Variants in TDP1 observed in about 807,000 individuals in gnomAD.
The protein encoded by TDP1 is tyrosyl-DNA phosphodiesterase 1, also known as tyr-DNA phosphodiesterase 1.
Under a neutral mutation model 81.5 loss-of-function variants are expected in TDP1, and 64 were observed. That is an observed-to-expected ratio of 0.79 (90% confidence interval 0.64 to 0.97). The LOEUF (loss-of-function observed/expected upper bound fraction) is 0.97. Ranked by LOEUF, TDP1 falls within the 50% of genes least tolerant of loss-of-function variation. The pLI is 0.00. For synonymous variants in TDP1, 256 were observed against 264.3 expected (o/e 0.97, Z 0.30); for missense variants, 723 against 743.8 (o/e 0.97, Z 0.33).
chr14:89,987,362 T>C (rs898361040), intron 10 of TDP1, among the ~76,000 whole-genome samples: 1 of 152,096 alleles, frequency 6.6e-6, no homozygotes, highest in African/African-American at 2.4e-5. Context: ...AAAGTGACTT[T>C]AAAGAAAGTG....
intron 16 of TDP1, among the ~76,000 whole-genome samples, chr14:90,036,615 G>A (rs1254340205): frequency 1.3e-5 from 2 of 152,134 alleles, no homozygotes; most frequent in Admixed American, 1.3e-4. Context: ...AGTAGTTACT[G>A]TTTATTCATT....
At position 89,967,384 on chromosome 14, in the gene TDP1, C is replaced by T. The variant is rs746662161; in HGVS notation, c.621C>T (p.Asp207=). The change falls in exon 5 of 17, where the codon GAC becomes GAT. Residue 207 remains aspartate (D), a synonymous_variant. Coordinates refer to ENST00000335725, the MANE Select transcript of TDP1 (RefSeq NM_018319.4). ...VSSAQFNYCF[D]VDWLVKQYPP... is the part of the protein sequence containing the mutation. ...CCATCTAGTTTAACTACTGCTTTGA[C>T]GTGGACTGGCTCGTAAAACAGTATC... 2.5e-5 allele frequency: 40 copies of T among 1,613,922 alleles called. No homozygotes were observed. The highest frequency in any genetic ancestry group is 3.3e-4 in the Middle Eastern group (2 of 6,084).
intron 2 of TDP1, among the ~76,000 whole-genome samples, chr14:89,957,819 T>C (rs563468840): frequency 2.6e-5 from 4 of 152,340 alleles, no homozygotes; most frequent in African/African-American, 9.6e-5. Context: ...GTTTGCTTTA[T>C]TCTCTTAACA....
At chr14:89,966,408 G>C (rs543208245) in intron 4 of TDP1, among the ~76,000 whole-genome samples, 1 of 152,294 alleles carries the variant, frequency 6.6e-6, no homozygotes, top group East Asian at 1.9e-4. Context: ...TTTGACTCAA[G>C]TCAGCCTCCG....
intron 3 of TDP1, chr14:89,964,830 A>G (rs138840386): frequency 3.9e-4 from 171 of 433,862 alleles, no homozygotes; most frequent in Non-Finnish European, 6.5e-4. Context: ...TCTTACATAT[A>G]TTTTCTCCTT....
At position 89,963,243 on chromosome 14, in the gene TDP1, G is replaced by C; in HGVS notation, c.129G>C (p.Glu43Asp). 6.2e-7 allele frequency: 1 copy of C among 1,614,132 alleles called. No homozygotes were observed. The highest frequency in any genetic ancestry group is 8.5e-7 in the Non-Finnish European group (1 of 1,180,030). The change falls in exon 3 of 17, where the codon GAG becomes GAC. Residue 43 changes from glutamate (E) to aspartate (D), a missense_variant. Physicochemically the swap from Glu to Asp is conservative, Grantham distance 45 (BLOSUM62 2). Coordinates refer to ENST00000335725, the MANE Select transcript of TDP1 (RefSeq NM_018319.4). ...GTGCCAGGCAAGGAGCAGCAAATGA[G>C]CCCAGGTACACCTGTTCCGAGGCCC... ...LLCARQGAAN[E>D]PRYTCSEAQK...
chr14:90,027,283 G>GAGTTCA, intron 15 of TDP1, among the ~76,000 whole-genome samples: 1 of 152,140 alleles, frequency 6.6e-6, no homozygotes, highest in Non-Finnish European at 1.5e-5. Context: ...TCCCCTGGAT[G>GAGTTCA]AACTGACCCT....
intron 15 of TDP1, among the ~76,000 whole-genome samples, chr14:90,032,536 T>C (rs1374376674): frequency 1.3e-5 from 2 of 152,160 alleles, no homozygotes; most frequent in Non-Finnish European, 2.9e-5. Context: ...AGCCTAGATA[T>C]AGAACCTCCA....
chr14:90,029,076 C>G (rs551133648), intron 15 of TDP1, among the ~76,000 whole-genome samples: 1 of 152,158 alleles, frequency 6.6e-6, no homozygotes, highest in Admixed American at 6.5e-5. Context: ...CTTAAATTTT[C>G]AAGGAATTCT....
Position 89,989,723 on chromosome 14 carries a change from CCTT to C in TDP1, c.1327_1329del (p.Ser443del). 1.9e-6 allele frequency: 3 copies of C among 1,609,386 alleles called. No homozygotes were observed. Among genetic ancestry groups the C allele is most frequent in the Non-Finnish European group, 2.6e-6 (3 of 1,175,894 alleles). Reference sequence around the variant, plus strand: ...GTTTTCCTCTTATTTTTAGATCTATCCTTCTGTGGAAAATGTGCGGACCAGTTT... The same window carrying C: ...GTTTTCCTCTTATTTTTAGATCTATCCTGTGGAAAATGTGCGGACCAGTTT... On this transcript the variant is annotated inframe_deletion, in exon 12 of 17. Transcript: ENST00000335725.
chr14:90,009,793 A>G (rs1884481650), intron 14 of TDP1, among the ~76,000 whole-genome samples: 1 of 152,254 alleles, frequency 6.6e-6, no homozygotes, highest in Non-Finnish European at 1.5e-5. Flanking sequence ...CAGCATAACA[A>G]TAGATAAATT....
intron 15 of TDP1, among the ~76,000 whole-genome samples, chr14:90,028,425 A>G (rs555401781): frequency 6.6e-6 from 1 of 152,378 alleles, no homozygotes; most frequent in African/African-American, 2.4e-5. Flanking sequence ...GCTGCTAAAC[A>G]TAAATCATCA....
intron 10 of TDP1, 92 bp from the exon 11 acceptor site, chr14:89,988,813 C>A: frequency 6.4e-7 from 1 of 1,573,154 alleles, no homozygotes; most frequent in East Asian, 2.3e-5. Context: ...GTTAATTAGG[C>A]TTTCCAAGAG....
intron 14 of TDP1, among the ~76,000 whole-genome samples, chr14:90,001,348 G>A (rs1485102877): frequency 6.6e-6 from 1 of 152,040 alleles, no homozygotes; most frequent in African/African-American, 2.4e-5. Context: ...TAGATCCTGG[G>A]TCACGTTTTA....
chr14:89,995,647 G>T (rs957014669), intron 14 of TDP1, among the ~76,000 whole-genome samples: 1 of 152,116 alleles, frequency 6.6e-6, no homozygotes, highest in African/African-American at 2.4e-5. Context: ...TACCAGTAAG[G>T]AGCTCCCTTG....
chr14:89,967,854 C>T (rs969580362), intron 5 of TDP1, among the ~76,000 whole-genome samples: 1 of 152,158 alleles, frequency 6.6e-6, no homozygotes, highest in African/African-American at 2.4e-5. Context: ...TTATCTGTGG[C>T]CTTCCCTTAT....
intron 14 of TDP1, among the ~76,000 whole-genome samples, chr14:90,000,544 CA>C (rs1244628356): frequency 1.3e-5 from 2 of 152,076 alleles, no homozygotes; most frequent in Admixed American, 6.5e-5. Flanking sequence ...GCCACCAGAC[CA>C]CGGCTAATTT....
chr14:89,996,247 T>C (rs183748269), intron 14 of TDP1, among the ~76,000 whole-genome samples: 11 of 152,280 alleles, frequency 7.2e-5, no homozygotes, highest in African/African-American at 2.6e-4. Flanking sequence ...CCACGTCCTG[T>C]AGGCTAAAGT....
At chr14:89,971,471 C>T (rs1031640367) in intron 6 of TDP1, among the ~76,000 whole-genome samples, 200 bp downstream of exon 6, 5 of 152,174 alleles carry the variant, frequency 3.3e-5, no homozygotes, top group African/African-American at 1.2e-4. Flanking sequence ...AAAGGTTTTT[C>T]TTTTTGTGGG....
Sources: gnomAD v4.1 joint callset for allele counts (sites outside exome capture counted in the v4.1 genomes callset) on GRCh38, gnomAD v4.1.1 for gene constraint, MANE v1.5 for transcripts, NCBI Gene and HGNC (gene_info 2026-07-23, HGNC 2026-07-21) for gene names.